Variants in ROBO1 observed in about 807,000 individuals in gnomAD.
The protein encoded by ROBO1 is roundabout homolog 1.
In ROBO1, 149 loss-of-function variants were observed where a neutral mutation model predicts 195.9. The observed-to-expected ratio is 0.76, with a 90% confidence interval of 0.67 to 0.87. ROBO1 has a LOEUF of 0.87. Among genes scored for constraint, ROBO1 ranks in the 40% least tolerant of loss-of-function variants. ROBO1 has a pLI of 0.00. For missense variants in ROBO1, 1,933 were observed against 2,068.3 expected (o/e 0.93, Z 1.27); for synonymous variants, 816 against 733.2 (o/e 1.11, Z -1.82).
intron 2 of ROBO1, among the ~76,000 whole-genome samples, chr3:79,391,928 G>A (rs1283651206): frequency 6.6e-6 from 1 of 152,074 alleles, no homozygotes; most frequent in East Asian, 1.9e-4. Flanking sequence ...CTTCTCCCTC[G>A]ATTTGTATCC....
chr3:79,276,497 A>G (rs936142920), intron 2 of ROBO1, among the ~76,000 whole-genome samples: 6 of 152,176 alleles, frequency 3.9e-5, no homozygotes, highest in Non-Finnish European at 7.4e-5. Context: ...CTTAAATCTA[A>G]GACCTCAAAC....
At chr3:78,963,217 G>A (rs1560055727) in intron 3 of ROBO1, among the ~76,000 whole-genome samples, 1 of 151,972 alleles carries the variant, frequency 6.6e-6, no homozygotes, top group Non-Finnish European at 1.5e-5. Context: ...AGAAAGATTA[G>A]AGTTTTCAAG....
intron 11 of ROBO1, among the ~76,000 whole-genome samples, chr3:78,669,624 G>A (rs980173613): frequency 2.0e-5 from 3 of 152,174 alleles, no homozygotes; most frequent in Non-Finnish European, 2.9e-5. Flanking sequence ...GATTTGAATT[G>A]TACACTCGGT....
At chr3:79,015,318 T>C (rs2108237637) in intron 3 of ROBO1, among the ~76,000 whole-genome samples, 1 of 151,730 alleles carries the variant, frequency 6.6e-6, no homozygotes, top group South Asian at 2.1e-4. Flanking sequence ...GACCAGACAA[T>C]TGGCTCAAAT....
chr3:79,048,661 C>T (rs531673806), intron 3 of ROBO1, among the ~76,000 whole-genome samples: 25 of 152,200 alleles, frequency 1.6e-4, no homozygotes, highest in South Asian at 1.0e-3. Context: ...CTCATAGCTC[C>T]GCAATCTCTT....
At chr3:78,721,305 C>T (rs972887932) in intron 5 of ROBO1, among the ~76,000 whole-genome samples, 2 of 152,142 alleles carry the variant, frequency 1.3e-5, no homozygotes, top group African/African-American at 4.8e-5. Context: ...TTGGAACACT[C>T]GCATAAGCAT....
intron 8 of ROBO1, among the ~76,000 whole-genome samples, chr3:78,713,579 T>C (rs920118217): frequency 6.6e-6 from 1 of 150,420 alleles, no homozygotes; most frequent in Non-Finnish European, 1.5e-5. Flanking sequence ...GAAAAAAAAA[T>C]AGAGGAAAGT....
chr3:78,939,510 C>T (rs1370307560), intron 3 of ROBO1, among the ~76,000 whole-genome samples: 1 of 150,208 alleles, frequency 6.7e-6, no homozygotes, highest in Non-Finnish European at 1.5e-5. Flanking sequence ...CCCAGCTACT[C>T]GGGAGGCTGA....
intron 2 of ROBO1, among the ~76,000 whole-genome samples, chr3:79,514,702 T>G (rs946066809): frequency 5.3e-5 from 8 of 151,512 alleles, no homozygotes; most frequent in Non-Finnish European, 1.0e-4. Context: ...TATGTGTCTG[T>G]GTGTGAGTGT....
chr3:79,630,891 CA>C (rs71631667), intron 1 of ROBO1, among the ~76,000 whole-genome samples: 1 of 151,410 alleles, frequency 6.6e-6, no homozygotes, highest in Admixed American at 6.6e-5. Flanking sequence ...CACGCACATA[CA>C]AAAAACCTAG....
At chr3:79,419,357 C>T (rs1472204763) in intron 2 of ROBO1, among the ~76,000 whole-genome samples, 1 of 152,016 alleles carries the variant, frequency 6.6e-6, no homozygotes, top group Non-Finnish European at 1.5e-5. Context: ...CACAAGTGTC[C>T]CTCCCTTGAG....
intron 1 of ROBO1, among the ~76,000 whole-genome samples, chr3:79,754,674 G>A (rs779040660): frequency 2.0e-5 from 3 of 152,120 alleles, no homozygotes; most frequent in East Asian, 1.9e-4. Flanking sequence ...TGCCTGGACC[G>A]CAGAAAAACA....
chr3:79,241,105 C>T (rs188391077), intron 2 of ROBO1, among the ~76,000 whole-genome samples: 4 of 151,996 alleles, frequency 2.6e-5, no homozygotes, highest in African/African-American at 9.7e-5. Context: ...CTTAATCTTC[C>T]AACAGATTTT....
intron 21 of ROBO1, among the ~76,000 whole-genome samples, chr3:78,640,345 TA>T (rs890910981): frequency 3.3e-4 from 50 of 152,268 alleles, no homozygotes; most frequent in African/African-American, 1.2e-3. Flanking sequence ...ACTCAGACAA[TA>T]GATTCTTCAA....
intron 3 of ROBO1, among the ~76,000 whole-genome samples, chr3:79,033,463 A>T (rs1179763588): frequency 6.6e-6 from 1 of 152,172 alleles, no homozygotes; most frequent in African/African-American, 2.4e-5. Flanking sequence ...CAACATTGTT[A>T]TATAATGGTG....
chr3:79,332,247 T>C (rs569656340), intron 2 of ROBO1, among the ~76,000 whole-genome samples: 15 of 151,058 alleles, frequency 9.9e-5, no homozygotes, highest in African/African-American at 3.4e-4. Context: ...TGCTAACATA[T>C]TTAAAAACAC....
chr3:79,703,426 CTA>C (rs1276193828), intron 1 of ROBO1, among the ~76,000 whole-genome samples: 2 of 151,648 alleles, frequency 1.3e-5, no homozygotes, highest in Admixed American at 1.3e-4. Flanking sequence ...AAAATAATAA[CTA>C]TTTTTATTAA....
intron 3 of ROBO1, among the ~76,000 whole-genome samples, chr3:79,092,910 G>C (rs1025442966): frequency 6.6e-6 from 1 of 152,000 alleles, no homozygotes; most frequent in African/African-American, 2.4e-5. Flanking sequence ...TCATTCTTTA[G>C]CTGTAAAACA....
At chr3:79,579,947 C>T (rs1225911921) in intron 2 of ROBO1, among the ~76,000 whole-genome samples, 3 of 151,938 alleles carry the variant, frequency 2.0e-5, no homozygotes, top group Non-Finnish European at 4.4e-5. Context: ...ATTAGTGATG[C>T]TATGCTTGTA....
Sources: allele counts gnomAD v4.1 joint callset (sites outside exome capture counted in the v4.1 genomes callset), GRCh38; gene constraint gnomAD v4.1.1; transcripts MANE v1.5; gene names NCBI Gene and HGNC (gene_info 2026-07-23, HGNC 2026-07-21).